Variants in NFIB observed in about 807,000 individuals in gnomAD.
The protein encoded by NFIB is nuclear factor I B, also known as nuclear factor 1 B-type.
A neutral mutation model predicts 61.5 loss-of-function variants in NFIB; 11 were observed. The ratio of observed to expected loss-of-function variants is 0.18; its 90% CI spans 0.11 to 0.30. The LOEUF (loss-of-function observed/expected upper bound fraction) is 0.30, where lower values mean the gene tolerates loss of function less well. Among genes scored for constraint, NFIB ranks in the 10% least tolerant of loss-of-function variants. The probability of loss-of-function intolerance (pLI) is 1.00; values close to 1 mark genes in which losing one functional copy is unlikely to be tolerated. For missense variants in NFIB, 471 were observed against 608.9 expected (o/e 0.77, Z 2.38); for synonymous variants, 260 against 216.5 (o/e 1.20, Z -1.76).
At chr9:14,328,131 C>T (rs532736884) in intron 1 of NFIB, among the ~76,000 whole-genome samples, 1 of 152,284 alleles carries the variant, frequency 6.6e-6, no homozygotes, top group Non-Finnish European at 1.5e-5. Flanking sequence ...TATCTGGCAC[C>T]TTCTGAATTG....
chr9:14,130,148 C>T (rs1165175106), intron 6 of NFIB, among the ~76,000 whole-genome samples: 1 of 152,118 alleles, frequency 6.6e-6, no homozygotes, highest in Admixed American at 6.5e-5. Context: ...CTCCTCCAGG[C>T]CTTCCTCTCC....
chr9:14,506,023 T>A, the NFIB span, among the ~76,000 whole-genome samples: 3 of 152,264 alleles, frequency 2.0e-5, no homozygotes, highest in South Asian at 6.2e-4. Context: ...ATAAAACATA[T>A]GCAGCCAAAT....
chr9:14,277,556 T>C (rs2058086501), intron 2 of NFIB, among the ~76,000 whole-genome samples: 1 of 152,234 alleles, frequency 6.6e-6, no homozygotes, highest in Non-Finnish European at 1.5e-5. Flanking sequence ...AGCTTTTCAT[T>C]AGTCCTCGTA....
At chr9:14,453,342 C>A in the NFIB span, among the ~76,000 whole-genome samples, 7,037 of 152,254 alleles carry the variant, frequency 0.046, 181 homozygotes, top group Non-Finnish European at 0.054. Flanking sequence ...CCAACCCACT[C>A]CTAGATAGGG....
chr9:14,197,836 C>G (rs1485086860), intron 2 of NFIB, among the ~76,000 whole-genome samples: 2 of 152,128 alleles, frequency 1.3e-5, no homozygotes, highest in Non-Finnish European at 2.9e-5. Flanking sequence ...CCTCACTCTA[C>G]GAATGCTACA....
the NFIB span, among the ~76,000 whole-genome samples, chr9:14,473,111 T>G: frequency 1.3e-5 from 2 of 152,136 alleles, no homozygotes; most frequent in African/African-American, 2.4e-5. Flanking sequence ...GTTCTAGAGG[T>G]GAAGGAATGG....
intron 10 of NFIB, chr9:14,102,460 G>C (rs1401850820): frequency 1.9e-6 from 3 of 1,550,308 alleles, no homozygotes; most frequent in Non-Finnish European, 2.6e-6. Context: ...CACTGGTACT[G>C]GGGTATAAAT....
chr9:14,109,243 A>G (rs1263200709), intron 10 of NFIB, among the ~76,000 whole-genome samples: 1 of 151,950 alleles, frequency 6.6e-6, no homozygotes, highest in Non-Finnish European at 1.5e-5. Flanking sequence ...AACATCCAAC[A>G]CTCTGATTGA....
intron 2 of NFIB, among the ~76,000 whole-genome samples, chr9:14,243,612 A>T (rs55808861): frequency 0.23 from 14,824 of 64,198 alleles, 973 homozygotes; most frequent in Middle Eastern, 0.47. Context: ...GGTATTTTTT[A>T]AAAAAAAAGT....
At position 14,155,898 on chromosome 9, in the gene NFIB, A is replaced by T; in HGVS notation, c.617-5T>A. ...CAAAACTATCCTCAAGGTAACCTGA[A>T]AATAAATATTAAAGGAAAAATGATC... On this transcript the variant is annotated splice_polypyrimidine_tract_variant and splice_region_variant and intron_variant, in intron 3 of 10. Coordinates refer to ENST00000380953, the MANE Select transcript of NFIB (RefSeq NM_001190737.2). 1 of 1,523,112 alleles carries T rather than the reference A, an allele frequency of 6.6e-7. No individual in the cohort carries two copies. Among genetic ancestry groups the T allele is most frequent in the Non-Finnish European group, 9.0e-7 (1 of 1,112,550 alleles). 94.3% of individuals were successfully genotyped at this position (1,523,112 alleles called of 1,614,324 possible).
chr9:14,146,529 A>G (rs931243392), intron 6 of NFIB, among the ~76,000 whole-genome samples, 160 bp downstream of exon 6: 1 of 152,210 alleles, frequency 6.6e-6, no homozygotes, highest in African/African-American at 2.4e-5. Context: ...CTTTGACGAC[A>G]TTTGACTAAC....
chr9:14,307,236 G>A lies in NFIB; in HGVS notation c.315C>T (p.Val105=), dbSNP rs144064028. 2.5e-6 allele frequency: 4 copies of A among 1,614,058 alleles called. No individual in the cohort carries two copies. The African/African-American group carries it at 5.3e-5, about 22-fold the overall frequency. The change falls in exon 2 of 11, where the codon GTC becomes GTT. Residue 105 remains valine, a synonymous_variant. Transcript: ENST00000380953. This position sits in a 1 kb window ranked among gnomAD's most constrained non-coding sequence, Gnocchi z 5.3. ...TVTGKKHPCC[V]LSNPDQKGKI... ...TACCCTTCTGGTCGGGATTGGATAA[G>A]ACACAGCACGGGTGCTTCTTGCCAG...
chr9:14,100,372 C>T (rs1025430685), intron 10 of NFIB, among the ~76,000 whole-genome samples: 7 of 152,106 alleles, frequency 4.6e-5, no homozygotes, highest in African/African-American at 1.7e-4. Context: ...AGATTTATTG[C>T]CCACTCATCT....
intron 6 of NFIB, among the ~76,000 whole-genome samples, chr9:14,142,659 G>A (rs2041875078): frequency 6.6e-6 from 1 of 151,924 alleles, no homozygotes; most frequent in Admixed American, 6.6e-5. Flanking sequence ...AAAAAAATAA[G>A]AAAGACAAGA....
chr9:14,448,394 A>T, the NFIB span, among the ~76,000 whole-genome samples: 2 of 152,180 alleles, frequency 1.3e-5, no homozygotes, highest in African/African-American at 2.4e-5. Context: ...TCCAAAAAAA[A>T]TTTTTATTTA....
chr9:14,465,572 T>TAC, the NFIB span, among the ~76,000 whole-genome samples: 36,217 of 146,088 alleles, frequency 0.25, 5,040 homozygotes, highest in Middle Eastern at 0.36. Flanking sequence ...AATGACTTGT[T>TAC]ACACACACAC....
intron 2 of NFIB, among the ~76,000 whole-genome samples, chr9:14,269,749 A>G (rs1349472317): frequency 6.6e-6 from 1 of 152,064 alleles, no homozygotes; most frequent in Non-Finnish European, 1.5e-5. Flanking sequence ...TCTTGTGAAA[A>G]ATGATTAAGA....
At chr9:14,490,767 C>T in the NFIB span, among the ~76,000 whole-genome samples, 4 of 152,182 alleles carry the variant, frequency 2.6e-5, no homozygotes, top group South Asian at 2.1e-4. Flanking sequence ...TACTATCCAA[C>T]GCTACCACGC....
At chr9:14,378,907 G>A (rs1564043525) in intron 1 of NFIB, among the ~76,000 whole-genome samples, 1 of 152,078 alleles carries the variant, frequency 6.6e-6, no homozygotes, top group African/African-American at 2.4e-5. Context: ...ATTTGACCTT[G>A]GTTTTGATGT....
Sources: gnomAD v4.1 joint callset for allele counts (sites outside exome capture counted in the v4.1 genomes callset) on GRCh38, gnomAD v4.1.1 for gene constraint, Gnocchi (gnomAD v3.1) non-coding constraint, MANE v1.5 for transcripts, NCBI Gene and HGNC (gene_info 2026-07-23, HGNC 2026-07-21) for gene names.